IFT88: variants seen among roughly 807,000 people sequenced by gnomAD.
The protein encoded by IFT88 is intraflagellar transport 88, also known as intraflagellar transport protein 88 homolog.
IFT88 carries 74 observed loss-of-function variants against 119.5 expected under a neutral mutation model. The observed-to-expected ratio is 0.62, with a 90% CI of 0.51 to 0.75. IFT88 has a LOEUF of 0.75. IFT88 is among the 30% of genes least tolerant of loss of function. The pLI is 0.00. For synonymous variants in IFT88, 279 were observed against 316.7 expected (o/e 0.88, Z 1.26); for missense variants, 961 against 977.7 (o/e 0.98, Z 0.23).
chr13:20,657,014 G>A (rs1223669330), intron 22 of IFT88, among the ~76,000 whole-genome samples: 8 of 151,912 alleles, frequency 5.3e-5, no homozygotes, highest in African/African-American at 1.2e-4. Flanking sequence ...GCGCACCACC[G>A]TGCCTGGCTA....
intron 25 of IFT88, 38 bp from the exon 26 acceptor site, chr13:20,691,016 T>G: frequency 1.2e-6 from 2 of 1,601,952 alleles, no homozygotes; most frequent in Non-Finnish European, 1.7e-6. Context: ...TTTTGTTTGT[T>G]TACATAACTC....
At chr13:20,627,029 A>G (rs545006020) in intron 15 of IFT88, among the ~76,000 whole-genome samples, 3 of 152,334 alleles carry the variant, frequency 2.0e-5, no homozygotes, top group Non-Finnish European at 2.9e-5. Context: ...GGAGAACATT[A>G]TCTACTAAAG....
chr13:20,591,709 CT>C lies in IFT88; in HGVS notation c.328+34del, dbSNP rs758816859. 4.2e-5 allele frequency: 61 copies of C among 1,462,792 alleles called. No individual in the cohort carries two copies. The African/African-American group carries it at 7.2e-4, about 17-fold the overall frequency. 90.6% of individuals were successfully genotyped at this position (1,462,792 alleles called of 1,614,324 possible). On this transcript the variant is annotated intron_variant, in intron 6 of 25. Coordinates refer to ENST00000351808, the MANE Select transcript of IFT88 (RefSeq NM_006531.5). ...TTGTTACACTGTCTCTACTAATAAT[CT>C]TTTTTGGATCTTTTAATCTTTTATC...
intron 2 of IFT88, among the ~76,000 whole-genome samples, chr13:20,575,496 A>G (rs1004597411): frequency 7.9e-5 from 12 of 152,208 alleles, no homozygotes; most frequent in African/African-American, 2.6e-4. Flanking sequence ...GAATTGTAAT[A>G]CCCAGCATTG....
At chr13:20,596,035 A>G (rs959024165) in intron 7 of IFT88, 115 bp from the exon 8 acceptor site, 15 of 254,608 alleles carry the variant, frequency 5.9e-5, no homozygotes, top group African/African-American at 3.2e-4. Flanking sequence ...GTCCTGGGCA[A>G]CCAAGTAAGA....
intron 13 of IFT88, chr13:20,608,019 C>T: frequency 1.8e-6 from 1 of 567,014 alleles, no homozygotes; most frequent in Admixed American, 2.3e-5. Flanking sequence ...CCAGAGCCCA[C>T]TGGAGAAGCC....
intron 19 of IFT88, among the ~76,000 whole-genome samples, chr13:20,643,929 T>C (rs2050345132): frequency 6.6e-6 from 1 of 152,120 alleles, no homozygotes; most frequent in Non-Finnish European, 1.5e-5. Flanking sequence ...AATTTTTGTA[T>C]TTTTAGTAGA....
At chr13:20,568,781 G>A (rs1282455327) in intron 1 of IFT88, among the ~76,000 whole-genome samples, 3 of 151,886 alleles carry the variant, frequency 2.0e-5, no homozygotes, top group East Asian at 1.9e-4. Flanking sequence ...GTGCAGTGGC[G>A]GCAATCTCGG....
intron 20 of IFT88, among the ~76,000 whole-genome samples, chr13:20,645,239 A>G (rs1022013151): frequency 2.0e-5 from 3 of 151,890 alleles, no homozygotes; most frequent in Non-Finnish European, 2.9e-5. Context: ...ACAGTCACGC[A>G]CCACCATGCC....
chr13:20,663,213 T>C, intron 22 of IFT88: 1 of 1,353,898 alleles, frequency 7.4e-7, no homozygotes, highest in Non-Finnish European at 9.6e-7. Flanking sequence ...AATGTTACAT[T>C]TGCCTTCTAA....
At chr13:20,683,549 T>C (rs1027425116) in intron 24 of IFT88, among the ~76,000 whole-genome samples, 4 of 152,198 alleles carry the variant, frequency 2.6e-5, no homozygotes, top group African/African-American at 9.7e-5. Flanking sequence ...ATATAACTGC[T>C]TTGATATACT....
At chr13:20,613,045 A>G (rs955786754) in intron 13 of IFT88, among the ~76,000 whole-genome samples, 3 of 152,246 alleles carry the variant, frequency 2.0e-5, no homozygotes, top group African/African-American at 7.2e-5. Context: ...TTTTGTAGAT[A>G]TGACACCAAA....
At chr13:20,637,096 AG>A (rs1324843855) in intron 16 of IFT88, among the ~76,000 whole-genome samples, 1 of 152,230 alleles carries the variant, frequency 6.6e-6, no homozygotes, top group East Asian at 1.9e-4. Flanking sequence ...AGAATAGGCA[AG>A]GAGACAGAAA....
chr13:20,574,023 A>G (rs1241308050), intron 1 of IFT88, among the ~76,000 whole-genome samples: 1 of 152,226 alleles, frequency 6.6e-6, no homozygotes, highest in Non-Finnish European at 1.5e-5. Context: ...GTTATACTTT[A>G]TTGGAATTAA....
intron 24 of IFT88, 29 bp downstream of exon 24, chr13:20,671,068 T>C: frequency 6.3e-7 from 1 of 1,596,850 alleles, no homozygotes; most frequent in South Asian, 1.1e-5. Context: ...CCTGAAAAAC[T>C]TGGTTTCCAC....
chr13:20,608,157 G>A (rs2043835811), intron 13 of IFT88: 1 of 409,790 alleles, frequency 2.4e-6, no homozygotes, highest in Admixed American at 3.0e-5. Flanking sequence ...GACTTGTAGA[G>A]TCCAGAGGAC....
chr13:20,673,875 TCAAGGCATTTTA>T (rs1242522405), intron 24 of IFT88, among the ~76,000 whole-genome samples: 6 of 152,230 alleles, frequency 3.9e-5, no homozygotes, highest in Non-Finnish European at 7.3e-5. Flanking sequence ...CTCTGTGCTC[TCAAGGCATTTTA>T]CAAGCAGGGT....
chr13:20,630,382 A>G (rs2048018176), intron 15 of IFT88, among the ~76,000 whole-genome samples: 1 of 152,178 alleles, frequency 6.6e-6, no homozygotes, highest in Admixed American at 6.5e-5. Context: ...GTTCTCTGTC[A>G]AAGAATGGTC....
At chr13:20,634,251 G>A (rs2048662841) in intron 16 of IFT88, among the ~76,000 whole-genome samples, 2 of 152,150 alleles carry the variant, frequency 1.3e-5, no homozygotes, top group South Asian at 4.1e-4. Context: ...TGAGTCGTAC[G>A]TGAATCCTGG....
Sources: gnomAD v4.1 joint callset for allele counts (sites outside exome capture counted in the v4.1 genomes callset) on GRCh38, gnomAD v4.1.1 for gene constraint, MANE v1.5 for transcripts, NCBI Gene and HGNC (gene_info 2026-07-23, HGNC 2026-07-21) for gene names.